LHPP: variants seen among roughly 807,000 people sequenced by gnomAD.
LHPP encodes the protein hLHPP.
In LHPP, 24 loss-of-function variants were observed where a neutral mutation model predicts 30.3. That is an observed-to-expected ratio of 0.79 (90% CI 0.57 to 1.11). The LOEUF is 1.11. Ranked by LOEUF, LHPP falls within the 50% of genes most tolerant of loss-of-function variation. The pLI is 0.00. For synonymous variants in LHPP, 150 were observed against 157.1 expected (o/e 0.95, Z 0.34); for missense variants, 356 against 367.2 (o/e 0.97, Z 0.25).
In LHPP at chr10:124,465,115, T is replaced by G. The variant is rs75820773; in HGVS notation, c.125+3128T>G. Among the ~76,000 whole-genome samples, 16 of 152,056 alleles carry G rather than the reference T, an allele frequency of 1.1e-4. No individual in the cohort carries two copies. The East Asian group carries it at 2.9e-3, about 28-fold the overall frequency. On this transcript the variant is annotated intron_variant, in intron 1 of 6. Coordinates refer to ENST00000368842, the MANE Select transcript of LHPP (RefSeq NM_022126.4). The stretch of plus-strand genomic sequence containing the variant: ...TGTGATGGACGAGGGTGGCCTGTGC[T>G]AGAGAGGGGGTCGGGACAGCTCTGA...
chr10:124,537,210 A>G (rs7909549), intron 6 of LHPP, among the ~76,000 whole-genome samples: 82,638 of 152,100 alleles, frequency 0.54, 23,438 homozygotes, highest in African/African-American at 0.7. Context: ...GCCCCACCTC[A>G]CTCGCCCAGT....
At chr10:124,578,882 CTCCA>C in intron 6 of LHPP, among the ~76,000 whole-genome samples, 1 of 152,310 alleles carries the variant, frequency 6.6e-6, no homozygotes, top group Non-Finnish European at 1.5e-5. Context: ...TTAGCTTTGG[CTCCA>C]CCCATCTTAG....
At chr10:124,494,750 C>T (rs1953654142) in intron 3 of LHPP, among the ~76,000 whole-genome samples, 1 of 152,164 alleles carries the variant, frequency 6.6e-6, no homozygotes, top group Non-Finnish European at 1.5e-5. Context: ...AGCCTGTCCC[C>T]CGCCCTGTTC....
intron 6 of LHPP, among the ~76,000 whole-genome samples, chr10:124,577,057 T>C (rs1241404965): frequency 1.3e-5 from 2 of 152,238 alleles, no homozygotes; most frequent in South Asian, 2.1e-4. Context: ...ACTCAGTCTT[T>C]CCAGACCCTA....
chr10:124,472,558 T>G (rs1564769525), intron 1 of LHPP, among the ~76,000 whole-genome samples: 1 of 150,332 alleles, frequency 6.7e-6, no homozygotes, highest in Non-Finnish European at 1.5e-5. Flanking sequence ...TGTATAAACT[T>G]ACTTTTTTTT....
intron 3 of LHPP, among the ~76,000 whole-genome samples, chr10:124,494,161 A>C (rs1408801507): frequency 6.6e-6 from 1 of 152,240 alleles, no homozygotes; most frequent in Non-Finnish European, 1.5e-5. Flanking sequence ...AAATTTAAAC[A>C]TAAGAAAATC....
chr10:124,599,325 A>C (rs972841610), intron 6 of LHPP, among the ~76,000 whole-genome samples: 8 of 152,030 alleles, frequency 5.3e-5, no homozygotes, highest in African/African-American at 1.9e-4. Context: ...TGCCATGCCC[A>C]CGACCTGCAC....
chr10:124,461,945 G>T lies in LHPP; in HGVS notation c.83G>T (p.Gly28Val), dbSNP rs940169629. 1 of 1,236,576 alleles carries T rather than the reference G, an allele frequency of 8.1e-7. No homozygotes were observed. 76.6% of individuals were successfully genotyped at this position (1,236,576 alleles called of 1,614,324 possible). A position where few individuals can be genotyped will look rare whatever the true frequency, so the allele number is the denominator to read the frequency against. Residue 28 changes from glycine (G) to valine (V), a missense_variant, in exon 1 of 7, where the codon GGC becomes GTC. Physicochemically the swap from Gly to Val is moderately radical, Grantham distance 109. Transcript: ENST00000368842. The stretch of plus-strand genomic sequence containing the variant: ...GGCGTGCTGTACGACAGCGGCGCGG[G>T]CGGCGGCACGGCCATCGCCGGCTCG... ...ISGVLYDSGA[G>V]GGTAIAGSVE...
intron 6 of LHPP, among the ~76,000 whole-genome samples, chr10:124,535,459 T>C (rs1353508658): frequency 1.3e-5 from 2 of 152,214 alleles, no homozygotes; most frequent in Non-Finnish European, 2.9e-5. Context: ...TGGAGTGCAG[T>C]GGTGCAATCA....
chr10:124,516,224 T>G (rs1256015592), intron 5 of LHPP, among the ~76,000 whole-genome samples: 1 of 152,204 alleles, frequency 6.6e-6, no homozygotes, highest in African/African-American at 2.4e-5. Context: ...CTTCCCAGCT[T>G]GTAGATGGCC....
intron 2 of LHPP, among the ~76,000 whole-genome samples, chr10:124,485,758 G>A (rs944423464): frequency 2.6e-5 from 4 of 151,896 alleles, no homozygotes; most frequent in African/African-American, 7.3e-5. Context: ...GTGCCACCAC[G>A]CCCGCCTAAT....
At chr10:124,543,320 C>T (rs1371853391) in intron 6 of LHPP, among the ~76,000 whole-genome samples, 1 of 152,248 alleles carries the variant, frequency 6.6e-6, no homozygotes, top group Non-Finnish European at 1.5e-5. Flanking sequence ...CCTCCAGACC[C>T]CTAGACACCC....
intron 3 of LHPP, among the ~76,000 whole-genome samples, chr10:124,489,009 A>G (rs1305717487): frequency 2.0e-5 from 3 of 152,180 alleles, no homozygotes; most frequent in Admixed American, 1.3e-4. Context: ...CAGTCTGGGC[A>G]CCGACAGTCT....
chr10:124,488,628 C>G (rs905094090), intron 3 of LHPP, 53 bp downstream of exon 3: 4 of 1,510,344 alleles, frequency 2.6e-6, no homozygotes, highest in Non-Finnish European at 3.6e-6. Context: ...GATGCTGTGC[C>G]AGTCTCCAAC....
At chr10:124,514,613 A>AT (rs1428850233) in intron 5 of LHPP, among the ~76,000 whole-genome samples, 15 of 151,772 alleles carry the variant, frequency 9.9e-5, no homozygotes, top group Admixed American at 9.8e-4. Context: ...GTTTTATAAG[A>AT]TTTTCTCCTT....
rs1447947200 is a variant in LHPP at position 124,576,628 on chromosome 10, G to A, written c.717-36636G>A. ...TCCATGGTCTGCCCCCAGGCCTGCT[G>A]GTAATATGGGATACAGAGGTCTCCT... On this transcript the variant is annotated intron_variant, in intron 6 of 6. Coordinates refer to ENST00000368842, the MANE Select transcript of LHPP (RefSeq NM_022126.4). This position sits in a 1 kb window ranked among gnomAD's most constrained non-coding sequence, Gnocchi z 4.2. Among the ~76,000 whole-genome samples, 1 of 151,848 alleles carries A rather than the reference G, an allele frequency of 6.6e-6. No individual in the cohort carries two copies. Among genetic ancestry groups the A allele is most frequent in the African/African-American group, 2.4e-5 (1 of 41,306 alleles).
chr10:124,476,934 C>T (rs1184913813), intron 1 of LHPP, among the ~76,000 whole-genome samples: 2 of 152,172 alleles, frequency 1.3e-5, no homozygotes, highest in Non-Finnish European at 2.9e-5. Context: ...AGGCCGGGTG[C>T]CGGTGGCTTA....
intron 6 of LHPP, among the ~76,000 whole-genome samples, chr10:124,567,766 C>T (rs1308756832): frequency 6.6e-6 from 1 of 152,228 alleles, no homozygotes; most frequent in Non-Finnish European, 1.5e-5. Flanking sequence ...CATGTGCACG[C>T]GCATGCAACG....
In LHPP at chr10:124,576,716, G is replaced by T. The variant is rs1948667997; in HGVS notation, c.717-36548G>T. ...AGGCAGAGCTGAGGGCGGGGGTACT[G>T]GGGGGCTGAGGGGGGTTCTTTAGGG... On this transcript the variant is annotated intron_variant, in intron 6 of 6. Transcript: ENST00000368842. This position sits in a 1 kb window ranked among gnomAD's most constrained non-coding sequence, Gnocchi z 4.2. Among the ~76,000 whole-genome samples, 1 of 152,114 alleles carries T rather than the reference G, an allele frequency of 6.6e-6. No homozygotes were observed. Among genetic ancestry groups the T allele is most frequent in the African/African-American group, 2.4e-5 (1 of 41,402 alleles).
Sources: gnomAD v4.1 joint callset for allele counts (sites outside exome capture counted in the v4.1 genomes callset) on GRCh38, gnomAD v4.1.1 for gene constraint, Gnocchi (gnomAD v3.1) non-coding constraint, MANE v1.5 for transcripts, NCBI Gene and HGNC (gene_info 2026-07-23, HGNC 2026-07-21) for gene names.